The following RBFOX1 variants were observed in gnomAD, a reference collection of about 807,000 sequenced individuals.
The protein encoded by RBFOX1 is RNA binding fox-1 homolog 1, also known as RNA binding protein fox-1 homolog 1.
RBFOX1 carries 8 observed loss-of-function variants against 57.7 expected under a neutral mutation model. The observed-to-expected ratio is 0.14, with a 90% CI of 0.08 to 0.25. RBFOX1 has a LOEUF of 0.25. Among genes scored for constraint, RBFOX1 ranks in the 10% least tolerant of loss-of-function variants. RBFOX1 has a pLI of 1.00. For synonymous variants in RBFOX1, 326 were observed against 222.4 expected (o/e 1.47, Z -4.15); for missense variants, 611 against 548.5 (o/e 1.11, Z -1.14).
intron 3 of RBFOX1, among the ~76,000 whole-genome samples, chr16:6,947,370 T>C (rs148323535): frequency 2.0e-3 from 308 of 152,314 alleles, no homozygotes; most frequent in African/African-American, 7.0e-3. Flanking sequence ...CCTGAGCCTT[T>C]TGCATCTTAA....
intron 3 of RBFOX1, among the ~76,000 whole-genome samples, chr16:7,002,576 G>C (rs35264696): frequency 1.3e-5 from 2 of 152,044 alleles, no homozygotes; most frequent in Admixed American, 1.3e-4. Flanking sequence ...GCTGGGCGTG[G>C]TGGCATGCAC....
intron 4 of RBFOX1, among the ~76,000 whole-genome samples, chr16:7,388,605 A>T (rs1355012973): frequency 6.7e-6 from 1 of 148,978 alleles, no homozygotes; most frequent in Non-Finnish European, 1.5e-5. Flanking sequence ...GAGATAATAC[A>T]CATCCAGGCA....
At chr16:6,313,756 A>T (rs1226479441) in intron 1 of RBFOX1, among the ~76,000 whole-genome samples, 1 of 151,774 alleles carries the variant, frequency 6.6e-6, no homozygotes, top group Admixed American at 6.6e-5. Flanking sequence ...GGGACCTGAG[A>T]TTCTCCCTGG....
At chr16:7,709,447 C>CTTTTT (rs75160475) in intron 15 of RBFOX1, 1 of 1,309,536 alleles carries the variant, frequency 7.6e-7, no homozygotes, top group Non-Finnish European at 1.0e-6. Context: ...CAATGCAGAA[C>CTTTTT]TTTTTTTTTT....
At position 7,543,270 on chromosome 16, in the gene RBFOX1, A is replaced by C. The variant is rs192682742; in HGVS notation, c.270+24881A>C. Among the ~76,000 whole-genome samples, 127 of 152,340 alleles carry C rather than the reference A, an allele frequency of 8.3e-4. 1 individual carries two copies. Among genetic ancestry groups the C allele is most frequent in the South Asian group, 5.8e-3 (28 of 4,830 alleles). On this transcript the variant is annotated intron_variant, in intron 5 of 15. Coordinates refer to ENST00000550418, the MANE Select transcript of RBFOX1 (RefSeq NM_018723.4). ...TCTTACAAATCTGGCCTGACACATG[A>C]CTTCACATAAAGGTTTGAGAACTGA...
At chr16:7,487,001 G>A (rs150377414) in intron 4 of RBFOX1, among the ~76,000 whole-genome samples, 17 of 152,288 alleles carry the variant, frequency 1.1e-4, no homozygotes, top group African/African-American at 3.8e-4. Context: ...CCGGGTTCAA[G>A]CAGTTCTCCT....
intron 2 of RBFOX1, among the ~76,000 whole-genome samples, chr16:6,480,855 C>T (rs1597867569): frequency 6.6e-6 from 1 of 152,164 alleles, no homozygotes; most frequent in Non-Finnish European, 1.5e-5. Flanking sequence ...TGGAGGTATT[C>T]ATATGTGGCT....
chr16:7,693,804 T>A (rs2077952512), intron 14 of RBFOX1, among the ~76,000 whole-genome samples: 1 of 152,164 alleles, frequency 6.6e-6, no homozygotes, highest in Non-Finnish European at 1.5e-5. Flanking sequence ...TGTAAAAGAC[T>A]GAATCTATAA....
chr16:6,995,662 A>C (rs1048245882), intron 3 of RBFOX1, among the ~76,000 whole-genome samples: 2 of 152,148 alleles, frequency 1.3e-5, no homozygotes, highest in South Asian at 4.2e-4. Context: ...CAGAAGGCTG[A>C]GGCAGGAGAA....
intron 4 of RBFOX1, chr16:7,304,373 G>C: frequency 8.1e-6 from 8 of 985,386 alleles, no homozygotes; most frequent in Non-Finnish European, 9.6e-6. Context: ...CTCGGCGGGC[G>C]CCAGAGAGAC....
At chr16:5,282,302 G>T (rs896649436) in intron 1 of RBFOX1, among the ~76,000 whole-genome samples, 3 of 152,164 alleles carry the variant, frequency 2.0e-5, no homozygotes, top group African/African-American at 7.2e-5. Flanking sequence ...TCCCAGTCTT[G>T]AATGTGTCTT....
chr16:5,694,062 C>T (rs536135534), intron 3 of RBFOX1, among the ~76,000 whole-genome samples: 1 of 152,200 alleles, frequency 6.6e-6, no homozygotes, highest in African/African-American at 2.4e-5. Flanking sequence ...GAGCTCAGCT[C>T]TCATTTTGCC....
At chr16:6,835,000 C>T (rs1172449726) in intron 3 of RBFOX1, among the ~76,000 whole-genome samples, 1 of 150,816 alleles carries the variant, frequency 6.6e-6, no homozygotes, top group Non-Finnish European at 1.5e-5. Flanking sequence ...TCACGCCATT[C>T]TCCTGCCTCA....
intron 2 of RBFOX1, among the ~76,000 whole-genome samples, chr16:5,569,454 T>G (rs2046196511): frequency 2.3e-5 from 3 of 128,858 alleles, no homozygotes; most frequent in South Asian, 2.8e-4. Context: ...TTTTTTTTTT[T>G]TTTTTTTTTT....
At chr16:6,135,346 A>T (rs1203416248) in intron 1 of RBFOX1, among the ~76,000 whole-genome samples, 2 of 152,212 alleles carry the variant, frequency 1.3e-5, no homozygotes, top group Admixed American at 1.3e-4. Context: ...CTTCATTCTG[A>T]TAAGAGAATG....
At chr16:6,565,810 A>G (rs920117333) in intron 2 of RBFOX1, among the ~76,000 whole-genome samples, 1 of 152,228 alleles carries the variant, frequency 6.6e-6, no homozygotes, top group African/African-American at 2.4e-5. Context: ...CTGATGAAAA[A>G]AAGAGCTGGA....
At chr16:7,223,344 G>T (rs1446931759) in intron 4 of RBFOX1, among the ~76,000 whole-genome samples, 1 of 152,248 alleles carries the variant, frequency 6.6e-6, no homozygotes, top group East Asian at 1.9e-4. Context: ...GAATTTGACA[G>T]TCAGTGCTAG....
At chr16:7,591,690 C>G (rs1204769011) in intron 7 of RBFOX1, among the ~76,000 whole-genome samples, 3 of 152,122 alleles carry the variant, frequency 2.0e-5, no homozygotes, top group Admixed American at 6.5e-5. Context: ...CTTCTCTGTA[C>G]CCCTTCTTGC....
chr16:7,575,920 G>C (rs1038338232), intron 5 of RBFOX1, among the ~76,000 whole-genome samples: 2 of 152,016 alleles, frequency 1.3e-5, no homozygotes, highest in African/African-American at 4.8e-5. Context: ...TGTGAGCTTA[G>C]TACCATTAGT....
Sources: allele counts gnomAD v4.1 joint callset (sites outside exome capture counted in the v4.1 genomes callset), GRCh38; gene constraint gnomAD v4.1.1; transcripts MANE v1.5; gene names NCBI Gene and HGNC (gene_info 2026-07-23, HGNC 2026-07-21).